SYMPK: variants seen among roughly 807,000 people sequenced by gnomAD.
SYMPK encodes the protein symplekin.
In SYMPK, 49 loss-of-function variants were observed where a neutral mutation model predicts 136.4. The observed-to-expected ratio is 0.36, with a 90% CI of 0.29 to 0.46. The LOEUF is 0.46. Among genes scored for constraint, SYMPK ranks in the 20% least tolerant of loss-of-function variants. The probability of loss-of-function intolerance (pLI) is 1.00; values close to 1 mark genes in which losing one functional copy is unlikely to be tolerated. For missense variants in SYMPK, 1,365 were observed against 1,690.0 expected (o/e 0.81, Z 3.37); for synonymous variants, 766 against 713.0 (o/e 1.07, Z -1.19).
At chr19:45,854,343 A>G in intron 2 of SYMPK, 48 bp downstream of exon 2, 2 of 1,609,660 alleles carry the variant, frequency 1.2e-6, no homozygotes, top group Non-Finnish European at 1.7e-6. Flanking sequence ...GGATTGCCAA[A>G]GCCAGGGGCT....
At chr19:45,837,934 C>T (rs1042896273) in intron 10 of SYMPK, among the ~76,000 whole-genome samples, 7 of 152,066 alleles carry the variant, frequency 4.6e-5, no homozygotes, top group Non-Finnish European at 7.4e-5. Context: ...GCTCCTGGGA[C>T]GTCCAAAAGG....
chr19:45,856,172 G>A (rs1385671194), intron 1 of SYMPK, among the ~76,000 whole-genome samples: 2 of 152,062 alleles, frequency 1.3e-5, no homozygotes, highest in African/African-American at 4.8e-5. Context: ...TGGCCAACAT[G>A]GTGAAACCCC....
At chr19:45,831,713 A>G in intron 11 of SYMPK, 125 bp from the exon 12 acceptor site, 1 of 679,828 alleles carries the variant, frequency 1.5e-6, no homozygotes, top group Non-Finnish European at 2.3e-6. Flanking sequence ...AATCCACACA[A>G]CACTGTCCTG....
intron 1 of SYMPK, among the ~76,000 whole-genome samples, chr19:45,860,372 C>T (rs181934871): frequency 9.5e-4 from 144 of 151,722 alleles, no homozygotes; most frequent in African/African-American, 3.1e-3. Flanking sequence ...GCAGGAGAAT[C>T]GCTTGAATTT....
chr19:45,848,923 G>T (rs1376879210), intron 5 of SYMPK, 47 bp from the exon 6 acceptor site: 6 of 1,611,792 alleles, frequency 3.7e-6, no homozygotes, highest in Non-Finnish European at 5.1e-6. Flanking sequence ...TGGTCTTAGA[G>T]CAAGTAGGAG....
intron 9 of SYMPK, among the ~76,000 whole-genome samples, chr19:45,839,918 T>G (rs1387997170): frequency 6.6e-6 from 1 of 152,170 alleles, no homozygotes; most frequent in Non-Finnish European, 1.5e-5. Context: ...TAGTTTCAAA[T>G]ATCTCCCCCA....
chr19:45,818,440 GAT>G (rs1163808920), intron 22 of SYMPK, among the ~76,000 whole-genome samples: 2 of 152,208 alleles, frequency 1.3e-5, no homozygotes, highest in Admixed American at 6.5e-5. Flanking sequence ...CCTTGGGAAA[GAT>G]GTGTTGCCAA....
chr19:45,830,338 C>T, intron 12 of SYMPK, 134 bp from the exon 13 acceptor site: 2 of 1,043,516 alleles, frequency 1.9e-6, no homozygotes, highest in Non-Finnish European at 2.8e-6. Flanking sequence ...TCCAGTTCCT[C>T]TGTGTCTCTG....
At chr19:45,823,528 G>A in intron 19 of SYMPK, 56 bp from the exon 20 acceptor site, 1 of 1,534,626 alleles carries the variant, frequency 6.5e-7, no homozygotes, top group Non-Finnish European at 9.0e-7. Flanking sequence ...CGTGGGAAAG[G>A]GTGGGCACCC....
chr19:45,847,987 T>G lies in SYMPK; in HGVS notation c.441A>C (p.Ser147=). Residue 147 remains serine (S), a synonymous_variant, in exon 7 of 27, where the codon TCA becomes TCC. Coordinates refer to ENST00000245934, the MANE Select transcript of SYMPK (RefSeq NM_004819.3). ...YKVALQWMVK[S]RVISELQEAC... ...CCTCCTGTAGCTCGCTAATGACCCG[T>G]GACTTTACCATCCACTGCCAGCAGG... 1 of 1,588,730 alleles carries G rather than the reference T, an allele frequency of 6.3e-7. No homozygotes were observed. The highest frequency in any genetic ancestry group is 8.6e-7 in the Non-Finnish European group (1 of 1,162,098).
rs1337420172 is a variant in SYMPK at position 45,854,254 on chromosome 19, G to A, written c.106-14C>T. 4 of 1,614,048 alleles carry A rather than the reference G, an allele frequency of 2.5e-6. No individual in the cohort carries two copies. Among genetic ancestry groups the A allele is most frequent in the Admixed American group, 3.3e-5 (2 of 60,012 alleles). On this transcript the variant is annotated splice_polypyrimidine_tract_variant and intron_variant, in intron 2 of 26. Transcript: ENST00000245934. ...AAGATCCACCACCTGGAAGGAGGGG[G>A]AGTGGCAGGGGATAGTGCCAGCCCA...
chr19:45,822,225 T>C (rs35114617), intron 21 of SYMPK, among the ~76,000 whole-genome samples: 48,079 of 150,648 alleles, frequency 0.32, 7,834 homozygotes, highest in Non-Finnish European at 0.35. Context: ...TTCATGCCAT[T>C]CTCCTGCCTC....
chr19:45,821,121 G>C lies in SYMPK; in HGVS notation c.2893+263C>G, dbSNP rs1970878336. On this transcript the variant is annotated intron_variant, in intron 22 of 26. Coordinates refer to ENST00000245934, the MANE Select transcript of SYMPK (RefSeq NM_004819.3). This position sits in a 1 kb window ranked among gnomAD's most constrained non-coding sequence, Gnocchi z 4.4. ...TGCTTTAGGCCCACTCTGTGCCAGG[G>C]CACAGCAGGTACATCAGAGGCAGAA... is the stretch of plus-strand genomic sequence containing the variant. 5 of 659,700 alleles carry C rather than the reference G, an allele frequency of 7.6e-6. No individual in the cohort carries two copies. The South Asian group carries it at 7.9e-5, about 10-fold the overall frequency. The allele number at this position is 659,700 out of a possible 1,614,324, so 40.9% of individuals were successfully genotyped here.
chr19:45,860,422 C>T (rs1395155679), intron 1 of SYMPK, among the ~76,000 whole-genome samples: 1 of 151,028 alleles, frequency 6.6e-6, no homozygotes, highest in African/African-American at 2.4e-5. Flanking sequence ...CACATCATTG[C>T]ACTCCAGCGT....
intron 11 of SYMPK, among the ~76,000 whole-genome samples, chr19:45,833,249 A>C (rs1434297518): frequency 6.6e-6 from 1 of 151,820 alleles, no homozygotes; most frequent in Non-Finnish European, 1.5e-5. Context: ...AACACAAAAA[A>C]CCATATGGCA....
At chr19:45,827,312 C>T (rs1170130614) in intron 16 of SYMPK, among the ~76,000 whole-genome samples, 198 bp downstream of exon 16, 1 of 152,070 alleles carries the variant, frequency 6.6e-6, no homozygotes, top group African/African-American at 2.4e-5. Flanking sequence ...GGCACGGTAA[C>T]CCTGGTTTCT....
At chr19:45,846,397 A>G (rs940871316) in intron 7 of SYMPK, among the ~76,000 whole-genome samples, 1 of 152,232 alleles carries the variant, frequency 6.6e-6, no homozygotes, top group African/African-American at 2.4e-5. Flanking sequence ...CAAACAATAC[A>G]TAAGAATAGT....
chr19:45,851,402 C>G (rs1971693731), intron 5 of SYMPK, among the ~76,000 whole-genome samples: 3 of 151,744 alleles, frequency 2.0e-5, no homozygotes. Flanking sequence ...ATGGCAGAAA[C>G]CCCATCTCTA....
At chr19:45,846,696 A>G (rs1274347619) in intron 7 of SYMPK, among the ~76,000 whole-genome samples, 1 of 152,226 alleles carries the variant, frequency 6.6e-6, no homozygotes, top group African/African-American at 2.4e-5. Flanking sequence ...GAAAGGAAAC[A>G]TAATACTCTT....
Sources: allele counts gnomAD v4.1 joint callset (sites outside exome capture counted in the v4.1 genomes callset), GRCh38; gene constraint gnomAD v4.1.1; non-coding constraint Gnocchi (gnomAD v3.1); transcripts MANE v1.5; gene names NCBI Gene and HGNC (gene_info 2026-07-23, HGNC 2026-07-21).